Variants in ATRX observed in about 807,000 individuals in gnomAD.
The protein encoded by ATRX is chromatin remodeler ATRX.
Under a neutral mutation model 172.6 loss-of-function variants are expected in ATRX, and 12 were observed. The ratio of observed to expected loss-of-function variants is 0.07; its 90% CI spans 0.04 to 0.11. The LOEUF is 0.11. Among genes scored for constraint, ATRX ranks in the 10% least tolerant of loss-of-function variants. The probability of loss-of-function intolerance (pLI) is 1.00; values close to 1 mark genes in which losing one functional copy is unlikely to be tolerated. For synonymous variants in ATRX, 674 were observed against 594.7 expected, an observed-to-expected ratio of 1.13 and a Z score of -1.94; for missense variants, 1,368 against 1,767.4, an observed-to-expected ratio of 0.77 and a Z score of 4.05.
In ATRX at chrX:77,677,259, G is replaced by A. The variant is rs966382015; in HGVS notation, c.3737-961C>T. Among the ~76,000 whole-genome samples, 28 of 111,689 alleles carry A rather than the reference G, an allele frequency of 2.5e-4. 1 individual carries two copies. Among genetic ancestry groups the A allele is most frequent in the Admixed American group, 2.4e-3 (25 of 10,487 alleles). On this transcript the variant is annotated intron_variant, in intron 9 of 34. Transcript: ENST00000373344. ...CAGGAGAAGTATGCTGATGTCTACC[G>A]TTTAATCTGAAATGCATCAAAGATT...
intron 15 of ATRX, among the ~76,000 whole-genome samples, chrX:77,642,881 C>T (rs1557111801): frequency 1.8e-5 from 2 of 111,121 alleles, no homozygotes; most frequent in African/African-American, 6.6e-5. Flanking sequence ...GCCTGTAGTA[C>T]AAACAACTAG....
At chrX:77,610,365 A>C (rs1385800676) in intron 22 of ATRX, among the ~76,000 whole-genome samples, 3 of 112,052 alleles carry the variant, frequency 2.7e-5, no homozygotes, top group Non-Finnish European at 5.6e-5. Context: ...TAATAGCATA[A>C]GACACACATC....
At chrX:77,771,857 T>C (rs1244676554) in intron 1 of ATRX, among the ~76,000 whole-genome samples, 1 of 111,557 alleles carries the variant, frequency 9.0e-6, no homozygotes, top group African/African-American at 3.3e-5. Flanking sequence ...GGTAGGGGTG[T>C]TACTGGTATC....
In ATRX at chrX:77,507,998, C is replaced by T; in HGVS notation, c.*353G>A. The T allele has an allele frequency of 1.5e-5, 3 of 199,484 alleles. No individual in the cohort carries two copies. The highest frequency in any genetic ancestry group is 1.5e-4 in the East Asian group (2 of 13,321). 16.4% of individuals were successfully genotyped at this position (199,484 alleles called of 1,213,427 possible). A position where few individuals can be genotyped will look rare whatever the true frequency, so the allele number is the denominator to read the frequency against. On this transcript the variant is annotated 3_prime_UTR_variant, in exon 35 of 35. Transcript: ENST00000373344. The stretch of plus-strand genomic sequence containing the variant: ...TGAATATATAAATCTTTATTCTTTC[C>T]TAAATTTATTAATTTTATGACAATT...
intron 10 of ATRX, among the ~76,000 whole-genome samples, chrX:77,671,307 C>T (rs1170298366): frequency 9.8e-6 from 1 of 102,319 alleles, no homozygotes; most frequent in Non-Finnish European, 2.0e-5. Flanking sequence ...TTTTTTTAGT[C>T]GCAAATCCTA....
intron 30 of ATRX, among the ~76,000 whole-genome samples, chrX:77,557,099 T>C: frequency 8.9e-6 from 1 of 111,977 alleles, no homozygotes; most frequent in Admixed American, 9.5e-5. Flanking sequence ...AACCCGAAAT[T>C]CACCATATGA....
chrX:77,714,548 C>G (rs1473813783), intron 2 of ATRX, among the ~76,000 whole-genome samples: 3 of 111,760 alleles, frequency 2.7e-5, no homozygotes, highest in Non-Finnish European at 3.8e-5. Flanking sequence ...GCAAACACAA[C>G]CATAACCAAA....
At chrX:77,547,359 G>A in intron 30 of ATRX, among the ~76,000 whole-genome samples, 1 of 111,671 alleles carries the variant, frequency 9.0e-6, no homozygotes, top group Admixed American at 9.6e-5. Context: ...CAGCTTGCCA[G>A]CGTTAGGGAG....
intron 9 of ATRX, among the ~76,000 whole-genome samples, chrX:77,677,865 G>A (rs2070975558): frequency 9.0e-6 from 1 of 110,755 alleles, no homozygotes; most frequent in Non-Finnish European, 1.9e-5. Context: ...GGGAAATGGA[G>A]GAAAAAATCT....
intron 9 of ATRX, among the ~76,000 whole-genome samples, chrX:77,678,376 T>C (rs892312431): frequency 8.9e-6 from 1 of 112,471 alleles, no homozygotes; most frequent in Admixed American, 9.4e-5. Flanking sequence ...CTTTCAAAAT[T>C]TGACCTATCC....
rs45537339 is a variant in ATRX at position 77,525,319 on chromosome X, T to C, written c.6700-1918A>G. ...AGGCAGGCAGGAAGACAGGCCAATC[T>C]GCATTAATTTATTCTACTAAAAGAT... is the stretch of plus-strand genomic sequence containing the variant. On this transcript the variant is annotated intron_variant, in intron 30 of 34. Coordinates refer to ENST00000373344, the MANE Select transcript of ATRX (RefSeq NM_000489.6). Among the ~76,000 whole-genome samples the C allele has an allele frequency of 1.2e-4, 14 of 112,127 alleles. 1 individual carries two copies. The East Asian group carries it at 3.9e-3, about 31-fold the overall frequency.
At chrX:77,774,391 G>C (rs2076274224) in intron 1 of ATRX, among the ~76,000 whole-genome samples, 1 of 111,457 alleles carries the variant, frequency 9.0e-6, no homozygotes, top group African/African-American at 3.3e-5. Context: ...AAATGGTATT[G>C]TATCGGCCGG....
At chrX:77,730,620 T>C (rs2074258682) in intron 1 of ATRX, among the ~76,000 whole-genome samples, 1 of 112,123 alleles carries the variant, frequency 8.9e-6, no homozygotes, top group African/African-American at 3.2e-5. Flanking sequence ...TTAAAAATAT[T>C]GAAATAATAT....
chrX:77,600,661 T>C lies in ATRX; in HGVS notation c.5567-97A>G. 3 of 973,456 alleles carry C rather than the reference T, an allele frequency of 3.1e-6. No homozygotes were observed. The South Asian group carries it at 6.1e-5, about 20-fold the overall frequency. 80.2% of individuals were successfully genotyped at this position (973,456 alleles called of 1,213,427 possible). A position where few individuals can be genotyped will look rare whatever the true frequency, so the allele number is the denominator to read the frequency against. On this transcript the variant is annotated intron_variant, in intron 22 of 34. Transcript: ENST00000373344. ...AATCTTACTTGTGACATAAACACTT[T>C]TGGCAGTGTAGAGAAGCTTATAAAT...
chrX:77,672,373 T>C (rs1278863302), intron 10 of ATRX, among the ~76,000 whole-genome samples: 1 of 111,258 alleles, frequency 9.0e-6, no homozygotes, highest in Non-Finnish European at 1.9e-5. Context: ...GATACATCCA[T>C]GCCATTAATT....
At chrX:77,685,627 G>A (rs1298199582) in intron 7 of ATRX, among the ~76,000 whole-genome samples, 1 of 111,489 alleles carries the variant, frequency 9.0e-6, no homozygotes, top group African/African-American at 3.3e-5. Context: ...GAAAACAGTT[G>A]GGAGATTCCT....
At chrX:77,549,856 A>C (rs782505501) in intron 30 of ATRX, among the ~76,000 whole-genome samples, 2 of 112,382 alleles carry the variant, frequency 1.8e-5, no homozygotes, top group Admixed American at 1.9e-4. Context: ...ATAGTGGCTC[A>C]TGCCTGTAAT....
At chrX:77,702,330 C>A (rs2148699354) in intron 2 of ATRX, among the ~76,000 whole-genome samples, 1 of 111,969 alleles carries the variant, frequency 8.9e-6, no homozygotes, top group African/African-American at 3.2e-5. Context: ...GTAATCCCAG[C>A]TACTCGGTAA....
At chrX:77,720,460 T>C (rs1427992109) in intron 1 of ATRX, among the ~76,000 whole-genome samples, 1 of 109,756 alleles carries the variant, frequency 9.1e-6, no homozygotes, top group Non-Finnish European at 1.9e-5. Context: ...GAGAGAAGAA[T>C]CAAATAGATG....
Sources: allele counts gnomAD v4.1 joint callset (sites outside exome capture counted in the v4.1 genomes callset), GRCh38; gene constraint gnomAD v4.1.1; transcripts MANE v1.5; gene names NCBI Gene and HGNC (gene_info 2026-07-23, HGNC 2026-07-21).